SLC39A10: variants seen among roughly 807,000 people sequenced by gnomAD.
SLC39A10 encodes solute carrier family 39 member 10.
SLC39A10 carries 13 observed loss-of-function variants against 65.1 expected under a neutral mutation model. The ratio of observed to expected loss-of-function variants is 0.20; its 90% CI spans 0.13 to 0.32. The LOEUF (loss-of-function observed/expected upper bound fraction) is 0.32. Ranked by LOEUF, SLC39A10 falls within the 10% of genes least tolerant of loss-of-function variation. The pLI, the probability that SLC39A10 is intolerant of heterozygous loss-of-function variation, is 1.00. For missense variants in SLC39A10, 831 were observed against 1,018.4 expected (o/e 0.82, Z 2.50); for synonymous variants, 321 against 342.2 (o/e 0.94, Z 0.68).
At chr2:195,729,508 T>C (rs1234049752) in intron 9 of SLC39A10, among the ~76,000 whole-genome samples, 1 of 152,170 alleles carries the variant, frequency 6.6e-6, no homozygotes, top group Non-Finnish European at 1.5e-5. Flanking sequence ...CACTTCTGCT[T>C]ACCTTGCTGT....
chr2:195,716,571 T>G (rs868075853), intron 6 of SLC39A10, 66 bp from the exon 7 acceptor site: 2 of 1,350,078 alleles, frequency 1.5e-6, no homozygotes, highest in Non-Finnish European at 2.0e-6. Context: ...ACTGCTATTC[T>G]GTTTAAATTA....
At chr2:195,624,316 GGC>G (rs1688414460) in intron 2 of SLC39A10, among the ~76,000 whole-genome samples, 1 of 150,490 alleles carries the variant, frequency 6.6e-6, no homozygotes, top group African/African-American at 2.5e-5. Flanking sequence ...GAACCTGGGA[GGC>G]AGAGGTTACC....
At chr2:195,730,176 C>G (rs1160488089) in intron 9 of SLC39A10, among the ~76,000 whole-genome samples, 1 of 151,990 alleles carries the variant, frequency 6.6e-6, no homozygotes, top group African/African-American at 2.4e-5. Flanking sequence ...ACTTTTCTGC[C>G]AGAACTGCTT....
intron 1 of SLC39A10, among the ~76,000 whole-genome samples, chr2:195,669,389 G>A (rs376735006): frequency 6.6e-6 from 1 of 152,164 alleles, no homozygotes; most frequent in Non-Finnish European, 1.5e-5. Flanking sequence ...TCAGAGAAAT[G>A]CCACAGACTT....
intron 3 of SLC39A10, among the ~76,000 whole-genome samples, chr2:195,691,027 C>T (rs766152230): frequency 9.2e-5 from 14 of 152,028 alleles, no homozygotes; most frequent in Non-Finnish European, 1.8e-4. Flanking sequence ...GCTGAGTCCC[C>T]GAAGTTCATT....
intron 3 of SLC39A10, among the ~76,000 whole-genome samples, chr2:195,703,249 A>T (rs188172464): frequency 4.7e-4 from 72 of 152,362 alleles, no homozygotes; most frequent in African/African-American, 1.6e-3. Context: ...TCAAGTAGCT[A>T]ATCACAAGCA....
chr2:195,705,106 T>G (rs1691351930), intron 3 of SLC39A10, among the ~76,000 whole-genome samples: 1 of 152,182 alleles, frequency 6.6e-6, no homozygotes, highest in Non-Finnish European at 1.5e-5. Context: ...GCAATCCTCC[T>G]CATCCTTTCT....
At chr2:195,660,924 CT>C (rs1383340468) in intron 1 of SLC39A10, among the ~76,000 whole-genome samples, 8 of 151,674 alleles carry the variant, frequency 5.3e-5, no homozygotes, top group Non-Finnish European at 7.4e-5. Context: ...ACATTGTGAG[CT>C]TTTTTTTAAA....
At chr2:195,709,120 G>C (rs1691511677) in intron 5 of SLC39A10, among the ~76,000 whole-genome samples, 1 of 152,056 alleles carries the variant, frequency 6.6e-6, no homozygotes, top group Admixed American at 6.5e-5. Flanking sequence ...GACCTCCTGG[G>C]CTCAGGTGAT....
Position 195,735,002 on chromosome 2 carries a change from C to T in SLC39A10, c.2457C>T (p.Ala819=). The T allele has an allele frequency of 6.2e-7, 1 of 1,611,854 alleles. No homozygotes were observed. Among genetic ancestry groups the T allele is most frequent in the South Asian group, 1.1e-5 (1 of 90,456 alleles). Reference sequence around the variant, plus strand: ...GATTTGCCATTATGCTGGTGATTGCCCTCTATGAAGATAAAATTGTGTTTG... The same window carrying T: ...GATTTGCCATTATGCTGGTGATTGCTCTCTATGAAGATAAAATTGTGTTTG... ...LFGFAIMLVI[A]LYEDKIVFDI... The change falls in exon 10 of 10, where the codon GCC becomes GCT. Residue 819 remains alanine, a synonymous_variant. Coordinates refer to ENST00000359634, the MANE Select transcript of SLC39A10 (RefSeq NM_020342.3).
At chr2:195,696,335 A>AC (rs879548531) in intron 3 of SLC39A10, among the ~76,000 whole-genome samples, 5 of 137,774 alleles carry the variant, frequency 3.6e-5, no homozygotes, top group Admixed American at 7.3e-5. Context: ...AAAAAAAAAA[A>AC]CCTATCATTA....
chr2:195,652,807 G>T (rs1450516074), upstream of SLC39A10, among the ~76,000 whole-genome samples: 1 of 152,296 alleles, frequency 6.6e-6, no homozygotes, highest in African/African-American at 2.4e-5. Flanking sequence ...TGTTAGGAAC[G>T]GGGCCACACA....
In SLC39A10 at chr2:195,736,870, A is replaced by G. The variant is rs1692631787; in HGVS notation, c.*1829A>G. 7.9e-6 allele frequency: 1 copy of G among 126,652 alleles called. No homozygotes were observed. The highest frequency in any genetic ancestry group is 2.6e-5 in the African/African-American group (1 of 38,630). The allele number at this position is 126,652 out of a possible 1,614,324, so 7.8% of individuals were successfully genotyped here. On this transcript the variant is annotated 3_prime_UTR_variant, in exon 10 of 10. Coordinates refer to ENST00000359634, the MANE Select transcript of SLC39A10 (RefSeq NM_020342.3). ...ATTTTATTTAGTACTGCCAACTTCA[A>G]GTGATTTAGATATCTATCTATCTAG...
At position 195,690,173 on chromosome 2, in the gene SLC39A10, GAAAAA is replaced by G. The variant is rs34116515; in HGVS notation, c.1216+6289_1216+6293del. The stretch of plus-strand genomic sequence containing the variant: ...ACTGGGCAACAGAGTGAGACTCTCT[GAAAAA>G]AAAAAAAAAAAAAAAAAAAAAGAAA... On this transcript the variant is annotated intron_variant, in intron 3 of 9. Transcript: ENST00000359634. 5.7e-3 allele frequency among the ~76,000 whole-genome samples: 348 copies of G among 61,128 alleles called. 2 individuals are homozygous for G. The highest frequency in any genetic ancestry group is 0.024 in the Middle Eastern group (1 of 42). The allele number at this position is 61,128 out of a possible 152,430, so 40.1% of individuals were successfully genotyped here. A position where few individuals can be genotyped will look rare whatever the true frequency, so the allele number is the denominator to read the frequency against.
intron 2 of SLC39A10, among the ~76,000 whole-genome samples, chr2:195,647,526 C>G (rs1159129041): frequency 3.9e-5 from 6 of 152,018 alleles, no homozygotes; most frequent in South Asian, 4.2e-4. Context: ...CTTTTCCCAG[C>G]CTTTTATCTG....
chr2:195,646,961 C>T (rs1688933144), intron 2 of SLC39A10, among the ~76,000 whole-genome samples: 1 of 152,172 alleles, frequency 6.6e-6, no homozygotes, highest in African/African-American at 2.4e-5. Context: ...GGACTGCTGC[C>T]TTAGCTTGTG....
At chr2:195,640,604 G>GA (rs1270059278) in intron 2 of SLC39A10, among the ~76,000 whole-genome samples, 1 of 152,114 alleles carries the variant, frequency 6.6e-6, no homozygotes, top group Non-Finnish European at 1.5e-5. Context: ...GGATTATAGA[G>GA]AAAATGATTT....
intron 3 of SLC39A10, among the ~76,000 whole-genome samples, chr2:195,689,929 C>A (rs543073840): frequency 1.3e-5 from 2 of 152,104 alleles, no homozygotes. Context: ...ATAATCCCAG[C>A]ACTTTGGGAG....
At position 195,728,253 on chromosome 2, in the gene SLC39A10, C is replaced by T. The variant is rs548942366; in HGVS notation, c.2241C>T (p.Leu747=). Residue 747 remains leucine (L), a synonymous_variant, in exon 9 of 10, where the codon CTC becomes CTT. Transcript: ENST00000359634. This position sits in a 1 kb window ranked among gnomAD's most constrained non-coding sequence, Gnocchi z 4.4. ...CCATGATGGCTTACATAGGCATGCTCATAGGCACAGCTGTTGGTCAGTATG... is the reference window on the plus strand; with the variant it reads ...CCATGATGGCTTACATAGGCATGCTTATAGGCACAGCTGTTGGTCAGTATG... The part of the protein sequence containing the change: ...LSAMMAYIGM[L]IGTAVGQYAN... The T allele has an allele frequency of 4.3e-6, 7 of 1,614,018 alleles. No homozygotes were observed. Among genetic ancestry groups the T allele is most frequent in the East Asian group, 4.5e-5 (2 of 44,868 alleles).
Sources: gnomAD v4.1 joint callset for allele counts (sites outside exome capture counted in the v4.1 genomes callset) on GRCh38, gnomAD v4.1.1 for gene constraint, Gnocchi (gnomAD v3.1) non-coding constraint, MANE v1.5 for transcripts, NCBI Gene and HGNC (gene_info 2026-07-23, HGNC 2026-07-21) for gene names.